TBC1D8: variants seen among roughly 807,000 people sequenced by gnomAD.
TBC1D8 encodes BUB2-like protein 1.
In TBC1D8, 65 loss-of-function variants were observed where a neutral mutation model predicts 118.8. That is an observed-to-expected ratio of 0.55 (90% CI 0.45 to 0.67). TBC1D8 has a LOEUF of 0.67. Among genes scored for constraint, TBC1D8 ranks in the 30% least tolerant of loss-of-function variants. The pLI is 0.00. For missense variants in TBC1D8, 1,376 were observed against 1,471.2 expected (o/e 0.94, Z 1.06); for synonymous variants, 566 against 595.8 (o/e 0.95, Z 0.73).
chr2:101,027,203 G>C (rs1320711588), intron 15 of TBC1D8, among the ~76,000 whole-genome samples, 180 bp downstream of exon 15: 1 of 152,150 alleles, frequency 6.6e-6, no homozygotes. Flanking sequence ...GTGGAGGGTG[G>C]GGAGAGAGGT....
At chr2:101,053,369 G>A (rs541762377) in intron 4 of TBC1D8, among the ~76,000 whole-genome samples, 4 of 152,294 alleles carry the variant, frequency 2.6e-5, no homozygotes, top group South Asian at 2.1e-4. Context: ...GGAACACCAC[G>A]TGCCAGAAGC....
intron 1 of TBC1D8, among the ~76,000 whole-genome samples, chr2:101,096,811 G>A (rs938459503): frequency 6.6e-6 from 1 of 151,504 alleles, no homozygotes; most frequent in Non-Finnish European, 1.5e-5. Flanking sequence ...GAGAGAGAGA[G>A]AGAGAGAGAC....
At chr2:101,120,033 T>C (rs1678025483) in intron 1 of TBC1D8, among the ~76,000 whole-genome samples, 1 of 152,138 alleles carries the variant, frequency 6.6e-6, no homozygotes, top group Non-Finnish European at 1.5e-5. Flanking sequence ...TAGATCTCCC[T>C]CATGCCTTCA....
intron 19 of TBC1D8, 67 bp from the exon 20 acceptor site, chr2:101,008,340 A>C: frequency 1.6e-6 from 2 of 1,269,614 alleles, no homozygotes; most frequent in Non-Finnish European, 2.1e-6. Flanking sequence ...TTTTTTAAAC[A>C]TACCTGTGAG....
chr2:101,130,271 G>C (rs772800085), intron 1 of TBC1D8, among the ~76,000 whole-genome samples: 9 of 152,218 alleles, frequency 5.9e-5, no homozygotes, highest in African/African-American at 2.2e-4. Context: ...TGGAAGCGTC[G>C]ATCGGGCCAG....
chr2:101,142,244 T>G (rs751160586), intron 1 of TBC1D8, among the ~76,000 whole-genome samples: 1 of 152,108 alleles, frequency 6.6e-6, no homozygotes, highest in Non-Finnish European at 1.5e-5. Context: ...AAAATACACA[T>G]AGCTATGACC....
intron 1 of TBC1D8, among the ~76,000 whole-genome samples, chr2:101,095,771 C>A (rs1007153073): frequency 6.6e-6 from 1 of 151,992 alleles, no homozygotes; most frequent in East Asian, 1.9e-4. Context: ...CTCCCTGGCC[C>A]ATGCAAAAAG....
chr2:101,008,310 A>G, intron 19 of TBC1D8, 37 bp from the exon 20 acceptor site: 3 of 1,463,740 alleles, frequency 2.0e-6, no homozygotes, highest in Non-Finnish European at 2.7e-6. Context: ...CAGCAGAACC[A>G]GGGTGGAAGT....
intron 17 of TBC1D8, among the ~76,000 whole-genome samples, chr2:101,012,251 C>G (rs1013351331): frequency 9.9e-5 from 15 of 152,172 alleles, no homozygotes; most frequent in African/African-American, 3.6e-4. Context: ...CAAACTTGTA[C>G]ACAGATTGTT....
intron 1 of TBC1D8, among the ~76,000 whole-genome samples, chr2:101,090,873 A>G (rs751889094): frequency 3.3e-5 from 5 of 152,228 alleles, no homozygotes; most frequent in Non-Finnish European, 5.9e-5. Flanking sequence ...TGCTTAAACT[A>G]TTGCAAGCCC....
In TBC1D8 at chr2:101,019,042, G is replaced by C. The variant is rs749025644; in HGVS notation, c.2827+2639C>G. The C allele has an allele frequency of 2.9e-5, 46 of 1,610,828 alleles. No individual in the cohort carries two copies. The South Asian group carries it at 4.7e-4, about 16-fold the overall frequency. On this transcript the variant is annotated intron_variant, in intron 17 of 19. Coordinates refer to ENST00000409318, the MANE Select transcript of TBC1D8 (RefSeq NM_001330348.2). ...TACAGTCGCCAAGAGCCCATAAAGGGAGCCCTCCTGGAAGTGGATGAGGCC... is the reference window on the plus strand; with the variant it reads ...TACAGTCGCCAAGAGCCCATAAAGGCAGCCCTCCTGGAAGTGGATGAGGCC...
intron 1 of TBC1D8, among the ~76,000 whole-genome samples, chr2:101,134,185 TCTCTCTCTCTCTCACACACACA>T (rs1359559562): frequency 3.2e-5 from 3 of 94,440 alleles, no homozygotes; most frequent in Non-Finnish European, 6.2e-5. Context: ...TCTCTCTCTC[TCTCTCTCTCTCTCACACACACA>T]CACACACACA....
At chr2:101,139,200 A>C (rs898257555) in intron 1 of TBC1D8, among the ~76,000 whole-genome samples, 3 of 151,944 alleles carry the variant, frequency 2.0e-5, no homozygotes, top group Non-Finnish European at 2.9e-5. Flanking sequence ...CGACCTATTC[A>C]AATCTTTCCC....
In TBC1D8 at chr2:101,008,240, T is replaced by G. The variant is rs1352573898; in HGVS notation, c.3049A>C (p.Ser1017Arg). 1 of 1,567,180 alleles carries G rather than the reference T, an allele frequency of 6.4e-7. No individual in the cohort carries two copies. The highest frequency in any genetic ancestry group is 2.3e-5 in the East Asian group (1 of 44,262). The change falls in exon 20 of 20, where the codon AGT becomes CGT. Residue 1017 changes from serine (S) to arginine (R), a missense_variant. Coordinates refer to ENST00000409318, the MANE Select transcript of TBC1D8 (RefSeq NM_001330348.2). The stretch of plus-strand genomic sequence containing the variant: ...TCTTCTGGATCTTCATGGAACATAC[T>G]GTACAGAGTTTTACAGAACTGGATA... ...EFIQFCKTLY[S>R]MFHEDPEEND...
chr2:101,022,403 A>C lies in TBC1D8; in HGVS notation c.2639T>G (p.Phe880Cys), dbSNP rs1369966417. The C allele has an allele frequency of 1.2e-6, 2 of 1,613,210 alleles. No homozygotes were observed. Among genetic ancestry groups the C allele is most frequent in the African/African-American group, 1.3e-5 (1 of 75,026 alleles). Reference protein sequence around the residue: ...RIDARQFAHLFQLVSPWTCGA... With the variant: ...RIDARQFAHLCQLVSPWTCGA... ...GCAGGTCCAGGGCGAGACTAGCTGA[A>C]ACAGGTGTGCAAACTGCCGGGCATC... Residue 880 changes from phenylalanine to cysteine, a missense_variant, in exon 16 of 20, where the codon TTT (phenylalanine) becomes TGT (cysteine). Physicochemically the swap from Phe to Cys is radical, Grantham distance 205. Coordinates refer to ENST00000409318, the MANE Select transcript of TBC1D8 (RefSeq NM_001330348.2).
intron 2 of TBC1D8, among the ~76,000 whole-genome samples, chr2:101,073,286 A>T (rs1251893516): frequency 2.1e-5 from 3 of 142,854 alleles, no homozygotes; most frequent in African/African-American, 8.0e-5. Flanking sequence ...ATTTTATTTT[A>T]TTTTATTTTA....
At chr2:101,033,812 G>C in intron 9 of TBC1D8, 54 bp from the exon 10 acceptor site, 3 of 1,559,394 alleles carry the variant, frequency 1.9e-6, no homozygotes, top group South Asian at 1.2e-5. Flanking sequence ...ATGGTGTCAT[G>C]ATGAAGAAGA....
intron 1 of TBC1D8, among the ~76,000 whole-genome samples, chr2:101,131,448 G>A (rs1334345273): frequency 3.9e-5 from 6 of 151,902 alleles, no homozygotes; most frequent in Non-Finnish European, 7.4e-5. Flanking sequence ...CCGGGAGGCA[G>A]AGGTTGCAGT....
chr2:101,088,448 C>G (rs1479605542), intron 2 of TBC1D8, among the ~76,000 whole-genome samples: 1 of 152,118 alleles, frequency 6.6e-6, no homozygotes, highest in Admixed American at 6.6e-5. Context: ...CCAACATGCC[C>G]AGCTAATTTT....
Sources: allele counts gnomAD v4.1 joint callset (sites outside exome capture counted in the v4.1 genomes callset), GRCh38; gene constraint gnomAD v4.1.1; transcripts MANE v1.5; gene names NCBI Gene and HGNC (gene_info 2026-07-23, HGNC 2026-07-21).